Variants in ATP8B4 observed in about 807,000 individuals in gnomAD.
ATP8B4 encodes probable phospholipid-transporting ATPase IM.
A neutral mutation model predicts 145.6 loss-of-function variants in ATP8B4; 133 were observed. That is an observed-to-expected ratio of 0.91 (90% confidence interval 0.79 to 1.05). The LOEUF is 1.05. Ranked by LOEUF, ATP8B4 falls within the 50% of genes least tolerant of loss-of-function variation. The pLI is 0.00. For missense variants in ATP8B4, 1,458 were observed against 1,425.2 expected, an observed-to-expected ratio of 1.02 and a Z score of -0.37; for synonymous variants, 507 against 492.9, an observed-to-expected ratio of 1.03 and a Z score of -0.38.
At chr15:50,001,879 AAAAAC>A (rs2047919472) in intron 8 of ATP8B4, among the ~76,000 whole-genome samples, 1 of 152,182 alleles carries the variant, frequency 6.6e-6, no homozygotes, top group Non-Finnish European at 1.5e-5. Flanking sequence ...CAAAACAAGC[AAAAAC>A]TTTTTTTAAA....
chr15:50,115,531 G>A (rs576718272), intron 1 of ATP8B4, among the ~76,000 whole-genome samples: 16 of 151,836 alleles, frequency 1.1e-4, no homozygotes, highest in Admixed American at 9.8e-4. Flanking sequence ...AATAAAACAA[G>A]GTAAGGACAA....
chr15:49,872,733 G>A (rs1451483774), intron 25 of ATP8B4, among the ~76,000 whole-genome samples: 1 of 152,168 alleles, frequency 6.6e-6, no homozygotes, highest in African/African-American at 2.4e-5. Flanking sequence ...CTATAGAACT[G>A]TCAGAGATGG....
rs567890953 is a variant in ATP8B4 at position 49,926,981 on chromosome 15, A to G, written c.1643-3487T>C. On this transcript the variant is annotated intron_variant, in intron 16 of 27. Transcript: ENST00000284509. ...AGCAACTTTTATCTAAAGATCTCGT[A>G]AGAGCCTTCCAAGAAGCTTCTTGTA... Among the ~76,000 whole-genome samples, 102 of 152,292 alleles carry G rather than the reference A, an allele frequency of 6.7e-4. 1 individual carries two copies. In the South Asian group the frequency reaches 0.021, roughly 31 times the overall value.
At chr15:49,974,018 GTTA>G (rs1302032433) in intron 12 of ATP8B4, among the ~76,000 whole-genome samples, 7 of 149,050 alleles carry the variant, frequency 4.7e-5, no homozygotes, top group African/African-American at 1.5e-4. Context: ...GAATTCTATA[GTTA>G]TTAAGTCTAT....
chr15:50,163,424 T>G (rs897149989), intron 1 of ATP8B4, among the ~76,000 whole-genome samples: 2 of 152,210 alleles, frequency 1.3e-5, no homozygotes, highest in Non-Finnish European at 2.9e-5. Context: ...ATTTAGGAGA[T>G]CCCCTAGATT....
intron 3 of ATP8B4, among the ~76,000 whole-genome samples, chr15:50,056,963 T>C (rs1267264916): frequency 6.6e-6 from 1 of 152,096 alleles, no homozygotes; most frequent in Non-Finnish European, 1.5e-5. Flanking sequence ...TGGCCTCAGG[T>C]GATCCTCCCA....
chr15:49,952,101 C>T (rs2043156135), intron 14 of ATP8B4, among the ~76,000 whole-genome samples: 1 of 152,128 alleles, frequency 6.6e-6, no homozygotes, highest in African/African-American at 2.4e-5. Context: ...GGCAACATGG[C>T]CTTACTCTCT....
At chr15:49,937,511 C>T (rs189229456) in intron 14 of ATP8B4, among the ~76,000 whole-genome samples, 4 of 152,230 alleles carry the variant, frequency 2.6e-5, no homozygotes, top group East Asian at 1.9e-4. Flanking sequence ...AGGCAAACTC[C>T]GTGTTTTCAT....
intron 14 of ATP8B4, among the ~76,000 whole-genome samples, chr15:49,942,763 T>G (rs537175882): frequency 1.3e-5 from 2 of 152,068 alleles, no homozygotes; most frequent in East Asian, 3.9e-4. Context: ...AGGCAGAGCT[T>G]GCAGTGAGCC....
intron 20 of ATP8B4, among the ~76,000 whole-genome samples, chr15:49,906,078 G>A (rs755777750): frequency 1.3e-5 from 2 of 152,000 alleles, no homozygotes; most frequent in East Asian, 1.9e-4. Context: ...TTCCAATGTC[G>A]AAAAATACAA....
At chr15:49,891,783 T>C (rs1397411377) in intron 23 of ATP8B4, among the ~76,000 whole-genome samples, 1 of 152,176 alleles carries the variant, frequency 6.6e-6, no homozygotes, top group Non-Finnish European at 1.5e-5. Context: ...CAATGTCATG[T>C]GACTCACAGA....
At chr15:50,153,938 A>G (rs1313314381) in intron 1 of ATP8B4, among the ~76,000 whole-genome samples, 1 of 152,242 alleles carries the variant, frequency 6.6e-6, no homozygotes, top group Non-Finnish European at 1.5e-5. Context: ...GAAGATCGAT[A>G]CTTTAAAAAA....
At chr15:49,950,784 G>C (rs1199244066) in intron 14 of ATP8B4, among the ~76,000 whole-genome samples, 3 of 151,998 alleles carry the variant, frequency 2.0e-5, no homozygotes, top group Non-Finnish European at 4.4e-5. Flanking sequence ...TCTTTTAATT[G>C]TAATGTTAGG....
chr15:50,018,912 T>A, intron 6 of ATP8B4: 1 of 1,253,318 alleles, frequency 8.0e-7, no homozygotes, highest in Non-Finnish European at 1.0e-6. Context: ...CCAGGATAAA[T>A]CTTCTTCCTT....
intron 23 of ATP8B4, among the ~76,000 whole-genome samples, chr15:49,881,986 G>A (rs1477521664): frequency 6.6e-6 from 1 of 152,188 alleles, no homozygotes; most frequent in East Asian, 1.9e-4. Context: ...TCTATCAGCT[G>A]TCGAGGACAG....
intron 3 of ATP8B4, among the ~76,000 whole-genome samples, chr15:50,054,783 C>CAAAAAAAAAAAAAA (rs55783703): frequency 7.3e-5 from 6 of 81,838 alleles, no homozygotes; most frequent in Non-Finnish European, 1.3e-4. Context: ...GACTCCGCCT[C>CAAAAAAAAAAAAAA]AAAAAAAAAA....
chr15:50,028,495 A>T (rs2050176652), intron 6 of ATP8B4, among the ~76,000 whole-genome samples: 1 of 152,176 alleles, frequency 6.6e-6, no homozygotes, highest in Non-Finnish European at 1.5e-5. Flanking sequence ...CAGAGCCTGT[A>T]TACTGACAAG....
chr15:49,909,136 C>T (rs2038948099), intron 20 of ATP8B4, among the ~76,000 whole-genome samples: 2 of 152,116 alleles, frequency 1.3e-5, no homozygotes, highest in Admixed American at 6.5e-5. Flanking sequence ...GCTTTGACCG[C>T]ACTCCATACC....
chr15:49,983,683 C>T (rs2046351720), intron 10 of ATP8B4, among the ~76,000 whole-genome samples: 2 of 152,228 alleles, frequency 1.3e-5, no homozygotes, highest in African/African-American at 4.8e-5. Context: ...ATACACCCCA[C>T]CTGTTTGAAA....
Sources: allele counts gnomAD v4.1 joint callset (sites outside exome capture counted in the v4.1 genomes callset), GRCh38; gene constraint gnomAD v4.1.1; transcripts MANE v1.5; gene names NCBI Gene and HGNC (gene_info 2026-07-23, HGNC 2026-07-21).